Variants in PPP2R2A observed in about 807,000 individuals in gnomAD.
The protein encoded by PPP2R2A is serine/threonine-protein phosphatase 2A 55 kDa regulatory subunit B alpha isoform.
Under a neutral mutation model 53.2 loss-of-function variants are expected in PPP2R2A, and 9 were observed. The observed-to-expected ratio is 0.17, with a 90% CI of 0.10 to 0.30. The LOEUF (loss-of-function observed/expected upper bound fraction) is 0.30, where lower values mean the gene tolerates loss of function less well. Ranked by LOEUF, PPP2R2A falls within the 10% of genes least tolerant of loss-of-function variation. PPP2R2A has a pLI of 1.00. For missense variants in PPP2R2A, 235 were observed against 534.6 expected, an observed-to-expected ratio of 0.44 and a Z score of 5.53; for synonymous variants, 169 against 174.2, an observed-to-expected ratio of 0.97 and a Z score of 0.23.
chr8:26,337,984 C>A (rs1231495615), intron 2 of PPP2R2A, among the ~76,000 whole-genome samples: 2 of 152,160 alleles, frequency 1.3e-5, no homozygotes, highest in African/African-American at 2.4e-5. Context: ...TCATCAGATT[C>A]TTAAATTCTT....
chr8:26,368,879 G>A (rs1805523635), intron 9 of PPP2R2A, among the ~76,000 whole-genome samples: 2 of 152,130 alleles, frequency 1.3e-5, no homozygotes, highest in Admixed American at 6.5e-5. Flanking sequence ...GGCCAAGGCC[G>A]GCGGATCATG....
chr8:26,343,015 T>C (rs375329389), intron 3 of PPP2R2A, among the ~76,000 whole-genome samples: 4 of 151,856 alleles, frequency 2.6e-5, no homozygotes, highest in African/African-American at 9.7e-5. Context: ...CTGTATCTAA[T>C]AAAAATACAA....
In PPP2R2A at chr8:26,296,818, A is replaced by G. The variant is rs542924653; in HGVS notation, c.82+3078A>G. Reference sequence around the variant, plus strand: ...ATGTAGTTCTAGCAGTCATGGATTTATTTACTTGGTAGGCTTTTTAAAATA... The same window carrying G: ...ATGTAGTTCTAGCAGTCATGGATTTGTTTACTTGGTAGGCTTTTTAAAATA... On this transcript the variant is annotated intron_variant, in intron 2 of 9. Coordinates refer to ENST00000380737, the MANE Select transcript of PPP2R2A (RefSeq NM_002717.4). Among the ~76,000 whole-genome samples, 33 of 152,298 alleles carry G rather than the reference A, an allele frequency of 2.2e-4. No homozygotes were observed. The South Asian group carries it at 6.8e-3, about 32-fold the overall frequency.
intron 3 of PPP2R2A, among the ~76,000 whole-genome samples, chr8:26,343,920 T>C (rs1158548126): frequency 6.6e-6 from 1 of 152,116 alleles, no homozygotes; most frequent in East Asian, 1.9e-4. Flanking sequence ...GTGTACATTT[T>C]CCCCCCATCC....
At chr8:26,298,712 CCT>C (rs1324902441) in intron 2 of PPP2R2A, 2 of 152,132 alleles carry the variant, frequency 1.3e-5, no homozygotes, top group Non-Finnish European at 2.9e-5. Context: ...ATAATGAACC[CCT>C]GTCACCCGGC....
chr8:26,303,728 A>G (rs1801890131), intron 2 of PPP2R2A, among the ~76,000 whole-genome samples: 1 of 152,126 alleles, frequency 6.6e-6, no homozygotes, highest in Non-Finnish European at 1.5e-5. Flanking sequence ...TTTTCTGTCC[A>G]GGTTTAAACA....
intron 4 of PPP2R2A, among the ~76,000 whole-genome samples, chr8:26,358,544 T>C (rs568939937): frequency 3.0e-4 from 46 of 152,198 alleles, no homozygotes; most frequent in Non-Finnish European, 4.9e-4. Context: ...CACTTCATCA[T>C]TGGGAAGGGC....
At chr8:26,302,477 C>T (rs1156232446) in intron 2 of PPP2R2A, among the ~76,000 whole-genome samples, 6 of 152,150 alleles carry the variant, frequency 3.9e-5, no homozygotes, top group African/African-American at 1.2e-4. Context: ...TGATGTTAAA[C>T]AGTCATACAT....
intron 4 of PPP2R2A, among the ~76,000 whole-genome samples, chr8:26,356,519 G>C (rs937072394): frequency 6.6e-6 from 1 of 152,168 alleles, no homozygotes; most frequent in Non-Finnish European, 1.5e-5. Context: ...GTTTATTCCT[G>C]TCATATGCTA....
chr8:26,334,521 G>T (rs569232988), intron 2 of PPP2R2A, among the ~76,000 whole-genome samples: 1 of 152,190 alleles, frequency 6.6e-6, no homozygotes, highest in East Asian at 1.9e-4. Context: ...CGAGGTAGGC[G>T]GATCACAAGG....
intron 4 of PPP2R2A, among the ~76,000 whole-genome samples, chr8:26,359,928 CCTGT>C (rs929908847): frequency 1.3e-5 from 2 of 152,246 alleles, no homozygotes; most frequent in African/African-American, 2.4e-5. Flanking sequence ...GGGATAGAGA[CCTGT>C]CTGTGACTTG....
intron 3 of PPP2R2A, among the ~76,000 whole-genome samples, chr8:26,346,194 A>G (rs547175972): frequency 2.0e-5 from 3 of 151,666 alleles, no homozygotes; most frequent in Admixed American, 1.3e-4. Flanking sequence ...TGGCTGGAGT[A>G]CAGTGGCATG....
At chr8:26,353,297 A>G (rs1010654329) in intron 3 of PPP2R2A, among the ~76,000 whole-genome samples, 4 of 152,182 alleles carry the variant, frequency 2.6e-5, no homozygotes, top group African/African-American at 9.7e-5. Flanking sequence ...CTTGCCCTCT[A>G]ATAACTGATA....
Position 26,360,883 on chromosome 8 carries a change from A to G in PPP2R2A, c.460-91A>G. On this transcript the variant is annotated intron_variant, in intron 5 of 9. Coordinates refer to ENST00000380737, the MANE Select transcript of PPP2R2A (RefSeq NM_002717.4). This position sits in a 1 kb window ranked among gnomAD's most constrained non-coding sequence, Gnocchi z 4.5. ...TAATATTGTTCTATTTTATGTTCTC[A>G]AAAACTGAAATAATGAAGTTTTCTG... The G allele has an allele frequency of 1.6e-6, 2 of 1,287,544 alleles. No homozygotes were observed. The highest frequency in any genetic ancestry group is 2.8e-5 in the South Asian group (2 of 72,676). 79.8% of individuals were successfully genotyped at this position (1,287,544 alleles called of 1,614,324 possible).
rs375500748 is a variant in PPP2R2A, at chr8:26,333,122, T to C, written c.83-5768T>C. Among the ~76,000 whole-genome samples the C allele has an allele frequency of 5.3e-5, 8 of 152,380 alleles. No individual in the cohort carries two copies. In the East Asian group the frequency reaches 9.6e-4, roughly 18 times the overall value. ...TATGTGCTTTGGCATTAGTTTGATA[T>C]GACTTTGTGTTATTTTAATGCCAGT... is the stretch of plus-strand genomic sequence containing the variant. On this transcript the variant is annotated intron_variant, in intron 2 of 9. Transcript: ENST00000380737.
chr8:26,347,737 A>G (rs553505146), intron 3 of PPP2R2A, among the ~76,000 whole-genome samples: 1 of 152,188 alleles, frequency 6.6e-6, no homozygotes, highest in African/African-American at 2.4e-5. Flanking sequence ...TTTTGATAGG[A>G]TATTGTGACT....
chr8:26,366,464 C>A, intron 9 of PPP2R2A, 58 bp downstream of exon 9: 2 of 1,322,366 alleles, frequency 1.5e-6, no homozygotes, highest in Non-Finnish European at 2.1e-6. Flanking sequence ...ACAACTATTT[C>A]ATTCCAGGTC....
At chr8:26,346,144 ATTAT>A (rs1278507854) in intron 3 of PPP2R2A, among the ~76,000 whole-genome samples, 1 of 144,006 alleles carries the variant, frequency 6.9e-6, no homozygotes, top group Admixed American at 7.0e-5. Context: ...TATTATTATT[ATTAT>A]TTATTTTAGT....
At chr8:26,336,062 C>T (rs1311882630) in intron 2 of PPP2R2A, among the ~76,000 whole-genome samples, 1 of 152,138 alleles carries the variant, frequency 6.6e-6, no homozygotes, top group Non-Finnish European at 1.5e-5. Context: ...AGTCCCCTGT[C>T]TTCAGTTTGG....
Sources: gnomAD v4.1 joint callset for allele counts (sites outside exome capture counted in the v4.1 genomes callset) on GRCh38, gnomAD v4.1.1 for gene constraint, Gnocchi (gnomAD v3.1) non-coding constraint, MANE v1.5 for transcripts, NCBI Gene and HGNC (gene_info 2026-07-23, HGNC 2026-07-21) for gene names.